SMC5: variants seen among roughly 807,000 people sequenced by gnomAD.
The protein encoded by SMC5 is structural maintenance of chromosomes protein 5.
Under a neutral mutation model 148.3 loss-of-function variants are expected in SMC5, and 88 were observed. The observed-to-expected ratio is 0.59, with a 90% CI of 0.50 to 0.71. The LOEUF is 0.71. SMC5 is among the 30% of genes least tolerant of loss of function. SMC5 has a pLI of 0.00. For synonymous variants in SMC5, 421 were observed against 432.8 expected, an observed-to-expected ratio of 0.97 and a Z score of 0.34; for missense variants, 1,142 against 1,298.9, an observed-to-expected ratio of 0.88 and a Z score of 1.86.
chr9:70,348,157 A>C (rs1294366056), intron 22 of SMC5, 119 bp downstream of exon 22: 1 of 1,014,060 alleles, frequency 9.9e-7, no homozygotes, highest in Non-Finnish European at 1.4e-6. Flanking sequence ...TTGTTTACCA[A>C]AATGTTGAAA....
chr9:70,335,806 A>G (rs2036340559), intron 17 of SMC5, among the ~76,000 whole-genome samples: 1 of 152,224 alleles, frequency 6.6e-6, no homozygotes, highest in Non-Finnish European at 1.5e-5. Context: ...TTACACCCCA[A>G]AAGTTAGGGA....
Position 70,300,200 on chromosome 9 carries a change from G to A in SMC5, c.1464G>A (p.Thr488=), listed in dbSNP as rs1163011554. The A allele has an allele frequency of 1.9e-6, 3 of 1,577,518 alleles. No homozygotes were observed. The highest frequency in any genetic ancestry group is 2.3e-5 in the East Asian group (1 of 43,416). ...KQRVCEPIML[T]INMKDNKNAK... is the part of the protein sequence containing the mutation. ...GAGTCTGTGAGCCCATAATGCTCAC[G>A]GTAAGAAACTTTGTTCATCTTGGTA... is the stretch of plus-strand genomic sequence containing the variant. Residue 488 remains threonine (T), a splice_region_variant and synonymous_variant, in exon 10 of 25, where the codon ACG becomes ACA. Coordinates refer to ENST00000361138, the MANE Select transcript of SMC5 (RefSeq NM_015110.4).
At chr9:70,288,458 AT>A (rs1248719775) in intron 8 of SMC5, among the ~76,000 whole-genome samples, 4 of 147,848 alleles carry the variant, frequency 2.7e-5, no homozygotes, top group Non-Finnish European at 4.5e-5. Context: ...AATCAACTTT[AT>A]TTTTTGTTGA....
chr9:70,347,593 G>GTTT lies in SMC5; in HGVS notation c.2665-13_2665-11dup. The GTTT allele has an allele frequency of 1.5e-6, 2 of 1,313,398 alleles. No homozygotes were observed. The highest frequency in any genetic ancestry group is 2.5e-5 in the Admixed American group (1 of 39,924). 81.4% of individuals were successfully genotyped at this position (1,313,398 alleles called of 1,614,324 possible). ...CCTTTGGTAGATTTATCTTAAAGAA[G>GTTT]TTTTTTTTTCCCCTGCCAGATTGTT... On this transcript the variant is annotated intron_variant, in intron 20 of 24. Transcript: ENST00000361138.
chr9:70,306,925 A>C (rs1029197522), intron 11 of SMC5, among the ~76,000 whole-genome samples: 6 of 152,160 alleles, frequency 3.9e-5, no homozygotes, highest in Admixed American at 6.6e-5. Flanking sequence ...TCCTTCAGTA[A>C]ATTACAAATC....
chr9:70,259,022 G>C lies in SMC5; in HGVS notation c.-57G>C, dbSNP rs540017871. The C allele has an allele frequency of 3.5e-4, 537 of 1,518,500 alleles. No homozygotes were observed. The African/African-American group carries it at 6.9e-3, about 20-fold the overall frequency. The allele number at this position is 1,518,500 out of a possible 1,614,324, so 94.1% of individuals were successfully genotyped here. A position where few individuals can be genotyped will look rare whatever the true frequency, so the allele number is the denominator to read the frequency against. On this transcript the variant is annotated 5_prime_UTR_variant, in exon 1 of 25. Coordinates refer to ENST00000361138, the MANE Select transcript of SMC5 (RefSeq NM_015110.4). ...CGCCTGGGTGGATGGGCGCTTGGGCGCCTGGGCTGCCGGACGGTGGGAACG... is the reference window on the plus strand; with the variant it reads ...CGCCTGGGTGGATGGGCGCTTGGGCCCCTGGGCTGCCGGACGGTGGGAACG...
At chr9:70,270,822 T>TTTAC (rs2034428430) in intron 3 of SMC5, among the ~76,000 whole-genome samples, 1 of 151,878 alleles carries the variant, frequency 6.6e-6, no homozygotes, top group Non-Finnish European at 1.5e-5. Context: ...AATTTTTGTA[T>TTTAC]TTTTAGTAGA....
chr9:70,349,438 A>G (rs927182779), intron 22 of SMC5, among the ~76,000 whole-genome samples: 4 of 152,236 alleles, frequency 2.6e-5, no homozygotes, highest in Non-Finnish European at 4.4e-5. Context: ...CAATAAGAAT[A>G]GTAAACCTTA....
At chr9:70,308,611 A>G (rs1330014153) in intron 11 of SMC5, among the ~76,000 whole-genome samples, 1 of 135,856 alleles carries the variant, frequency 7.4e-6, no homozygotes, top group African/African-American at 2.7e-5. Context: ...AAAAAAAAAA[A>G]AAAAAAAAGA....
chr9:70,352,342 G>C lies in SMC5; in HGVS notation c.*11G>C. On this transcript the variant is annotated 3_prime_UTR_variant, in exon 25 of 25. Transcript: ENST00000361138. ...ACTCAACCTTCTTAATAAAAGTAAAGAGAGGGAACTTGGGAATTTTTTTTG... is the reference window on the plus strand; with the variant it reads ...ACTCAACCTTCTTAATAAAAGTAAACAGAGGGAACTTGGGAATTTTTTTTG... The C allele has an allele frequency of 1.9e-6, 3 of 1,576,614 alleles. No homozygotes were observed. Among genetic ancestry groups the C allele is most frequent in the Non-Finnish European group, 2.6e-6 (3 of 1,165,226 alleles).
At chr9:70,277,709 G>C (rs910495349) in intron 4 of SMC5, among the ~76,000 whole-genome samples, 1 of 151,986 alleles carries the variant, frequency 6.6e-6, no homozygotes, top group African/African-American at 2.4e-5. Flanking sequence ...TATTATTTTT[G>C]AAGTTCAGAG....
intron 17 of SMC5, among the ~76,000 whole-genome samples, chr9:70,342,451 A>AT (rs1365627375): frequency 2.0e-5 from 3 of 152,140 alleles, no homozygotes; most frequent in Non-Finnish European, 4.4e-5. Flanking sequence ...GGAGATATTA[A>AT]TCAAGTAGAT....
chr9:70,259,115 C>T lies in SMC5; in HGVS notation c.37C>T (p.Pro13Ser). ...TPSKKTSTPSPQPSKRALPRD... is the reference protein window; with the variant it reads ...TPSKKTSTPSSQPSKRALPRD... ...GAGCAAGAAGACGTCAACTCCAAGC[C>T]CCCAGCCTTCCAAGAGAGCTCTCCC... The change falls in exon 1 of 25, where the codon CCC (proline) becomes TCC (serine). Residue 13 changes from proline (P) to serine (S), a missense_variant. Pro to Ser is a moderately conservative substitution (Grantham distance 74, BLOSUM62 -1). Coordinates refer to ENST00000361138, the MANE Select transcript of SMC5 (RefSeq NM_015110.4). 1 of 1,611,904 alleles carries T rather than the reference C, an allele frequency of 6.2e-7. No individual in the cohort carries two copies. Among genetic ancestry groups the T allele is most frequent in the Non-Finnish European group, 8.5e-7 (1 of 1,178,976 alleles).
intron 11 of SMC5, 61 bp from the exon 12 acceptor site, chr9:70,314,680 TA>T: frequency 1.2e-6 from 1 of 836,290 alleles, no homozygotes; most frequent in Non-Finnish European, 1.8e-6. Context: ...ATGGTAACTA[TA>T]AATCATTTCA....
At chr9:70,289,480 A>G (rs1181313079) in intron 8 of SMC5, among the ~76,000 whole-genome samples, 1 of 151,954 alleles carries the variant, frequency 6.6e-6, no homozygotes, top group Non-Finnish European at 1.5e-5. Context: ...GTTTTAGTTT[A>G]TGTGCTGTAA....
intron 15 of SMC5, among the ~76,000 whole-genome samples, chr9:70,319,996 C>G (rs2035904337): frequency 1.3e-5 from 2 of 152,038 alleles, no homozygotes; most frequent in Non-Finnish European, 2.9e-5. Context: ...CAGTTATTTT[C>G]CTTGAAATGA....
chr9:70,264,714 G>A (rs979848258), intron 2 of SMC5, among the ~76,000 whole-genome samples: 2 of 152,096 alleles, frequency 1.3e-5, no homozygotes, highest in Non-Finnish European at 2.9e-5. Flanking sequence ...CACTTGGCTT[G>A]TGGAACAGTG....
At chr9:70,333,872 A>G (rs2118735603) in intron 17 of SMC5, among the ~76,000 whole-genome samples, 1 of 136,594 alleles carries the variant, frequency 7.3e-6, no homozygotes, top group East Asian at 2.2e-4. Context: ...ATTTCTTAAA[A>G]TGTCATTTCT....
At chr9:70,341,773 A>G (rs2036529787) in intron 17 of SMC5, among the ~76,000 whole-genome samples, 1 of 152,114 alleles carries the variant, frequency 6.6e-6, no homozygotes, top group African/African-American at 2.4e-5. Context: ...AAATAGGAAC[A>G]CTTTTACACT....
Sources: allele counts gnomAD v4.1 joint callset (sites outside exome capture counted in the v4.1 genomes callset), GRCh38; gene constraint gnomAD v4.1.1; transcripts MANE v1.5; gene names NCBI Gene and HGNC (gene_info 2026-07-23, HGNC 2026-07-21).